RBFOX3: variants seen among roughly 807,000 people sequenced by gnomAD.
RBFOX3 encodes RNA binding fox-1 homolog 3.
In RBFOX3, 17 loss-of-function variants were observed where a neutral mutation model predicts 48.7. The ratio of observed to expected loss-of-function variants is 0.35; its 90% CI spans 0.24 to 0.52. The LOEUF (loss-of-function observed/expected upper bound fraction) is 0.52. RBFOX3 is among the 20% of genes least tolerant of loss of function. RBFOX3 has a pLI of 0.94. For synonymous variants in RBFOX3, 212 were observed against 209.5 expected, an observed-to-expected ratio of 1.01 and a Z score of -0.10; for missense variants, 382 against 497.5, an observed-to-expected ratio of 0.77 and a Z score of 2.21.
chr17:79,355,497 C>T (rs1482569633), intron 2 of RBFOX3, among the ~76,000 whole-genome samples: 1 of 152,194 alleles, frequency 6.6e-6, no homozygotes. Flanking sequence ...GTCCTGCTGC[C>T]TGGGAAGCCA....
At position 79,201,914 on chromosome 17, in the gene RBFOX3, C is replaced by T. The variant is rs555395799; in HGVS notation, c.-34+33852G>A. On this transcript the variant is annotated intron_variant, in intron 4 of 14. Coordinates refer to ENST00000693108, the MANE Select transcript of RBFOX3 (RefSeq NM_001350451.2). ...ACTTTCAGGCCTCCTCTCTCTGCGT[C>T]TCCGCCCCTGCAGGAGAACCCAAAT... 2.8e-4 allele frequency among the ~76,000 whole-genome samples: 42 copies of T among 152,328 alleles called. No individual in the cohort carries two copies. In the Middle Eastern group the frequency reaches 0.01, roughly 37 times the overall value.
chr17:79,293,416 CT>C (rs1270668537), intron 3 of RBFOX3, among the ~76,000 whole-genome samples: 3 of 16,696 alleles, frequency 1.8e-4, no homozygotes, highest in East Asian at 2.1e-3. Flanking sequence ...CCACCCCTTC[CT>C]TCCTTCCTTC....
At position 79,115,613 on chromosome 17, in the gene RBFOX3, CGGA is replaced by C. The variant is rs1568158644; in HGVS notation, c.100_102del (p.Ser34del). ...TGCTCTGTGGGGACCGGGGTCTGGCCGGAGTAGTCCTGCGTGGGGTGCGGTGGG... is the reference window on the plus strand; with the variant it reads ...TGCTCTGTGGGGACCGGGGTCTGGCCGTAGTCCTGCGTGGGGTGCGGTGGG... On this transcript the variant is annotated inframe_deletion, in exon 5 of 15. Coordinates refer to ENST00000693108, the MANE Select transcript of RBFOX3 (RefSeq NM_001350451.2). The C allele has an allele frequency of 2.3e-6, 3 of 1,285,592 alleles. No homozygotes were observed. The highest frequency in any genetic ancestry group is 3.6e-5 in the Admixed American group (1 of 27,766). The allele number at this position is 1,285,592 out of a possible 1,614,324, so 79.6% of individuals were successfully genotyped here. A position where few individuals can be genotyped will look rare whatever the true frequency, so the allele number is the denominator to read the frequency against.
At chr17:79,429,617 G>A (rs1882349962) in intron 2 of RBFOX3, among the ~76,000 whole-genome samples, 1 of 152,138 alleles carries the variant, frequency 6.6e-6, no homozygotes, top group Non-Finnish European at 1.5e-5. Context: ...GGGAGCCCAG[G>A]GGAGCCTGAG....
chr17:79,518,462 G>A (rs1036260453), intron 1 of RBFOX3, among the ~76,000 whole-genome samples: 26 of 152,244 alleles, frequency 1.7e-4, no homozygotes, highest in Non-Finnish European at 3.4e-4. Flanking sequence ...GATGGTGCTG[G>A]AAAGTGCCTT....
At chr17:79,176,792 A>G (rs2050647410) in intron 4 of RBFOX3, among the ~76,000 whole-genome samples, 1 of 152,206 alleles carries the variant, frequency 6.6e-6, no homozygotes, top group Non-Finnish European at 1.5e-5. Flanking sequence ...AATAGAAATT[A>G]GGCAGGGAGG....
At chr17:79,562,165 T>C (rs1245159060) in intron 1 of RBFOX3, among the ~76,000 whole-genome samples, 1 of 152,244 alleles carries the variant, frequency 6.6e-6, no homozygotes, top group East Asian at 1.9e-4. Context: ...GTAGAATGGT[T>C]CGTGGACTCC....
In RBFOX3 at chr17:79,543,660, T is replaced by C. The variant is rs1446661274; in HGVS notation, c.-319-61062A>G. 2.0e-5 allele frequency among the ~76,000 whole-genome samples: 3 copies of C among 152,232 alleles called. No individual in the cohort carries two copies. The East Asian group carries it at 5.8e-4, about 29-fold the overall frequency. ...ATAAACAAACAGCGAGCGAGGTAGA[T>C]GAAACACGCGGCGAAGATGAAGCAT... is the stretch of plus-strand genomic sequence containing the variant. On this transcript the variant is annotated intron_variant, in intron 1 of 14. Coordinates refer to ENST00000693108, the MANE Select transcript of RBFOX3 (RefSeq NM_001350451.2).
chr17:79,124,867 G>A (rs528247719), intron 4 of RBFOX3, among the ~76,000 whole-genome samples: 1 of 152,236 alleles, frequency 6.6e-6, no homozygotes, highest in Non-Finnish European at 1.5e-5. Flanking sequence ...TTGCCCACTG[G>A]GAGGCTGTCG....
chr17:79,484,262 G>A (rs1363548873), intron 1 of RBFOX3, among the ~76,000 whole-genome samples: 5 of 151,314 alleles, frequency 3.3e-5, no homozygotes, highest in South Asian at 2.3e-4. Flanking sequence ...CCCCCATACC[G>A]AAGAACCGAA....
intron 2 of RBFOX3, among the ~76,000 whole-genome samples, chr17:79,467,752 C>T (rs1261009646): frequency 1.3e-5 from 2 of 152,200 alleles, no homozygotes; most frequent in Non-Finnish European, 2.9e-5. Context: ...CCTCTCCTCC[C>T]TGGGATCACT....
rs913450641 is a variant in RBFOX3 at position 79,212,038 on chromosome 17, G to A, written c.-34+23728C>T. The stretch of plus-strand genomic sequence containing the variant: ...GAAAGCTCTGGTCTCCTGGGGTCTT[G>A]GAAGACAACCAGCCAGCACCCTCCC... On this transcript the variant is annotated intron_variant, in intron 4 of 14. Transcript: ENST00000693108. The surrounding 1 kb of genome is among the most constrained non-coding windows in gnomAD (Gnocchi z 4.7). 6.6e-6 allele frequency among the ~76,000 whole-genome samples: 1 copy of A among 152,166 alleles called. No homozygotes were observed. The highest frequency in any genetic ancestry group is 1.5e-5 in the Non-Finnish European group (1 of 68,028).
At chr17:79,405,282 C>T (rs762342905) in intron 2 of RBFOX3, among the ~76,000 whole-genome samples, 1 of 152,188 alleles carries the variant, frequency 6.6e-6, no homozygotes, top group Non-Finnish European at 1.5e-5. Flanking sequence ...CCCATCTCCA[C>T]CCTCCGCCGC....
At chr17:79,463,639 C>T (rs1289239536) in intron 2 of RBFOX3, among the ~76,000 whole-genome samples, 11 of 147,966 alleles carry the variant, frequency 7.4e-5, no homozygotes, top group East Asian at 2.1e-4. Flanking sequence ...CCACTGCCAC[C>T]GCCACCTCCA....
chr17:79,514,536 C>T (rs1246303031), intron 1 of RBFOX3, among the ~76,000 whole-genome samples: 2 of 152,248 alleles, frequency 1.3e-5, no homozygotes, highest in African/African-American at 4.8e-5. Flanking sequence ...ACCGCTGTCT[C>T]CTGGATCTCG....
chr17:79,569,296 G>C (rs2092581630), intron 1 of RBFOX3, among the ~76,000 whole-genome samples: 1 of 152,130 alleles, frequency 6.6e-6, no homozygotes, highest in Non-Finnish European at 1.5e-5. Flanking sequence ...GTATGGATTT[G>C]TATTCCAGTT....
In RBFOX3 at chr17:79,123,815, G is replaced by A. The variant is rs117258071; in HGVS notation, c.-33-8067C>T. Reference sequence around the variant, plus strand: ...GCCCCCGCCTTCAGGGGCTATTGATGCAGGTGGGGACGTGCAGGAAACCCG... The same window carrying A: ...GCCCCCGCCTTCAGGGGCTATTGATACAGGTGGGGACGTGCAGGAAACCCG... On this transcript the variant is annotated intron_variant, in intron 4 of 14. Transcript: ENST00000693108. Among the ~76,000 whole-genome samples, 18 of 152,376 alleles carry A rather than the reference G, an allele frequency of 1.2e-4. No homozygotes were observed. The East Asian group carries it at 3.1e-3, about 26-fold the overall frequency.
intron 3 of RBFOX3, among the ~76,000 whole-genome samples, chr17:79,281,845 G>A (rs751869626): frequency 1.3e-4 from 20 of 152,206 alleles, no homozygotes; most frequent in Middle Eastern, 6.8e-3. Context: ...AAGCTCACCC[G>A]TCCTGGCATT....
intron 2 of RBFOX3, among the ~76,000 whole-genome samples, chr17:79,415,335 G>T: frequency 6.6e-6 from 1 of 152,196 alleles, no homozygotes; most frequent in East Asian, 1.9e-4. Flanking sequence ...ATGAAGTGTG[G>T]GGCTAAATAC....
Sources: allele counts gnomAD v4.1 joint callset (sites outside exome capture counted in the v4.1 genomes callset), GRCh38; gene constraint gnomAD v4.1.1; non-coding constraint Gnocchi (gnomAD v3.1); transcripts MANE v1.5; gene names NCBI Gene and HGNC (gene_info 2026-07-23, HGNC 2026-07-21).